Variants in TRIM37 observed in about 807,000 individuals in gnomAD.
TRIM37 encodes tripartite motif containing 37, also known as E3 ubiquitin-protein ligase TRIM37.
TRIM37 carries 80 observed loss-of-function variants against 129.8 expected under a neutral mutation model. The observed-to-expected ratio is 0.62, with a 90% confidence interval of 0.51 to 0.74. The LOEUF (loss-of-function observed/expected upper bound fraction) is 0.74, where lower values mean the gene tolerates loss of function less well. TRIM37 is among the 30% of genes least tolerant of loss of function. The probability of loss-of-function intolerance (pLI) is 0.00; values close to 1 mark genes in which losing one functional copy is unlikely to be tolerated. For missense variants in TRIM37, 1,054 were observed against 1,176.5 expected, an observed-to-expected ratio of 0.90 and a Z score of 1.52; for synonymous variants, 389 against 387.1, an observed-to-expected ratio of 1.00 and a Z score of -0.06.
At chr17:58,970,268 C>T in the TRIM37 span, among the ~76,000 whole-genome samples, 1 of 152,122 alleles carries the variant, frequency 6.6e-6, no homozygotes, top group Non-Finnish European at 1.5e-5. Flanking sequence ...AGCTCATGTC[C>T]TACATTGCGA....
intron 4 of TRIM37, 122 bp from the exon 5 acceptor site, chr17:59,084,211 A>G: frequency 1.3e-6 from 1 of 758,030 alleles, no homozygotes; most frequent in Non-Finnish European, 2.2e-6. Context: ...AACACAGTAT[A>G]AAATGTACTC....
chr17:59,064,190 T>C (rs899324072), intron 10 of TRIM37, 165 bp downstream of exon 10: 2 of 639,294 alleles, frequency 3.1e-6, no homozygotes, highest in East Asian at 2.8e-5. Flanking sequence ...AGATACAATA[T>C]AATCCAGCAC....
chr17:58,981,061 C>T (rs773135012), downstream of TRIM37: 7 of 1,459,022 alleles, frequency 4.8e-6, no homozygotes, highest in Non-Finnish European at 6.5e-6. Flanking sequence ...AGCTAGCTCT[C>T]CCCCAATAAA....
At chr17:59,015,852 G>C in intron 20 of TRIM37, 53 bp from the exon 21 acceptor site, 3 of 1,555,158 alleles carry the variant, frequency 1.9e-6, no homozygotes, top group Non-Finnish European at 2.6e-6. Context: ...GGTGGTGTGC[G>C]CCTGTAATCC....
downstream of TRIM37, among the ~76,000 whole-genome samples, chr17:58,978,025 C>T (rs564134799): frequency 3.3e-5 from 5 of 152,246 alleles, no homozygotes; most frequent in South Asian, 2.1e-4. Flanking sequence ...TACAGGCATG[C>T]GCCTGGCCAA....
rs779516825 is a variant in TRIM37, at chr17:59,049,204, C to T, written c.1504G>A (p.Glu502Lys). The change falls in exon 15 of 24, where the codon GAG (glutamate) becomes AAG (lysine). Residue 502 changes from glutamate to lysine, a missense_variant. Coordinates refer to ENST00000262294, the MANE Select transcript of TRIM37 (RefSeq NM_015294.6). ...TGATAATCTTCATTCTGAATCTTCT[C>T]CTCATCTTCTTCATCCTCTTTGGCC... ...REAKEDEEDE[E>K]KIQNEDYHHE... The T allele has an allele frequency of 8.7e-6, 14 of 1,613,918 alleles. No individual in the cohort carries two copies. The highest frequency in any genetic ancestry group is 1.0e-5 in the Non-Finnish European group (12 of 1,180,008).
intron 16 of TRIM37, among the ~76,000 whole-genome samples, chr17:59,042,445 A>T (rs1286144587): frequency 0.052 from 2,057 of 39,450 alleles, 40 homozygotes; most frequent in African/African-American, 0.12. Context: ...AAAAAAAAAA[A>T]AAAAATATAT....
chr17:59,036,443 T>TG (rs552802145), intron 17 of TRIM37, among the ~76,000 whole-genome samples: 1 of 126,886 alleles, frequency 7.9e-6, no homozygotes, highest in African/African-American at 2.9e-5. Context: ...TTGTATTTGC[T>TG]GGGGGTGTGT....
At chr17:58,968,040 G>A in the TRIM37 span, among the ~76,000 whole-genome samples, 1 of 152,074 alleles carries the variant, frequency 6.6e-6, no homozygotes, top group Non-Finnish European at 1.5e-5. Flanking sequence ...TTGACCTTGT[G>A]ATCTGCCCGC....
At chr17:58,993,312 G>GT (rs2032640744), downstream of TRIM37, among the ~76,000 whole-genome samples, 1 of 152,172 alleles carries the variant, frequency 6.6e-6, no homozygotes, top group Non-Finnish European at 1.5e-5. Flanking sequence ...AATACAGCAT[G>GT]TAACACTCTA....
chr17:59,050,665 T>A (rs2040249856), intron 14 of TRIM37, among the ~76,000 whole-genome samples: 1 of 151,718 alleles, frequency 6.6e-6, no homozygotes, highest in South Asian at 2.1e-4. Flanking sequence ...GAGTCCGACC[T>A]GTCTCCAAAA....
chr17:59,076,351 G>C (rs116829755), intron 7 of TRIM37, among the ~76,000 whole-genome samples: 2,836 of 152,310 alleles, frequency 0.019, 92 homozygotes, highest in African/African-American at 0.065. Flanking sequence ...GACCAGCCTA[G>C]GCAACATGGT....
At chr17:59,035,516 G>A (rs1263820264) in intron 17 of TRIM37, among the ~76,000 whole-genome samples, 2 of 151,906 alleles carry the variant, frequency 1.3e-5, no homozygotes, top group Non-Finnish European at 2.9e-5. Context: ...CACTTTCAGA[G>A]GCCGAGGCAG....
At chr17:59,064,293 T>C (rs555539182) in intron 10 of TRIM37, 62 bp downstream of exon 10, 13 of 1,287,000 alleles carry the variant, frequency 1.0e-5, no homozygotes, top group Non-Finnish European at 1.2e-5. Flanking sequence ...TACCAAAGAA[T>C]ACCTTTCTGG....
At chr17:59,100,852 G>T (rs1314136002) in intron 2 of TRIM37, among the ~76,000 whole-genome samples, 2 of 151,966 alleles carry the variant, frequency 1.3e-5, no homozygotes, top group Admixed American at 1.3e-4. Flanking sequence ...GTGAAACCCT[G>T]TTTCTACTAA....
intron 21 of TRIM37, among the ~76,000 whole-genome samples, chr17:59,014,868 A>C (rs1420881636): frequency 2.6e-5 from 4 of 151,394 alleles, no homozygotes; most frequent in Non-Finnish European, 5.9e-5. Context: ...AAAAAGTACT[A>C]TCTCTTGAGA....
intron 1 of TRIM37, among the ~76,000 whole-genome samples, chr17:59,105,005 T>C (rs1247890874): frequency 6.6e-6 from 1 of 151,332 alleles, no homozygotes; most frequent in East Asian, 1.9e-4. Context: ...GGCAGAAGAA[T>C]TGCTTGAACC....
intron 1 of TRIM37, among the ~76,000 whole-genome samples, chr17:59,105,852 G>C (rs1568280720): frequency 6.6e-6 from 1 of 152,156 alleles, no homozygotes. Flanking sequence ...ACACAATTAT[G>C]TTCAATAAAC....
chr17:59,098,146 G>T (rs1216133172), intron 2 of TRIM37, among the ~76,000 whole-genome samples: 3 of 152,146 alleles, frequency 2.0e-5, no homozygotes, highest in African/African-American at 7.2e-5. Context: ...AATATTTTAT[G>T]ATTCCATTTA....
Sources: gnomAD v4.1 joint callset for allele counts (sites outside exome capture counted in the v4.1 genomes callset) on GRCh38, gnomAD v4.1.1 for gene constraint, MANE v1.5 for transcripts, NCBI Gene and HGNC (gene_info 2026-07-23, HGNC 2026-07-21) for gene names.